CFAP44: variants seen among roughly 807,000 people sequenced by gnomAD.
CFAP44 encodes the protein cilia- and flagella-associated protein 44.
CFAP44 carries 134 observed loss-of-function variants against 216.2 expected under a neutral mutation model. The observed-to-expected ratio is 0.62, with a 90% CI of 0.54 to 0.72. The LOEUF is 0.72. Among genes scored for constraint, CFAP44 ranks in the 30% least tolerant of loss-of-function variants. The pLI is 0.00. For synonymous variants in CFAP44, 700 were observed against 727.6 expected (o/e 0.96, Z 0.61); for missense variants, 2,035 against 2,182.1 (o/e 0.93, Z 1.34).
rs564220118 is a variant in CFAP44 at position 113,367,712 on chromosome 3, C to T, written c.2445-1403G>A. On this transcript the variant is annotated intron_variant, in intron 18 of 34. Coordinates refer to ENST00000393845, the MANE Select transcript of CFAP44 (RefSeq NM_001164496.2). Reference sequence around the variant, plus strand: ...TCACAGCTCCTCACCAGCAATGGAACAAAGCTGAATGGAGAATGATTTTGA... The same window carrying T: ...TCACAGCTCCTCACCAGCAATGGAATAAAGCTGAATGGAGAATGATTTTGA... Among the ~76,000 whole-genome samples, 9 of 152,222 alleles carry T rather than the reference C, an allele frequency of 5.9e-5. No homozygotes were observed. The East Asian group carries it at 7.7e-4, about 13-fold the overall frequency.
At chr3:113,366,849 C>T (rs1465144510) in intron 18 of CFAP44, among the ~76,000 whole-genome samples, 1 of 152,198 alleles carries the variant, frequency 6.6e-6, no homozygotes, top group Non-Finnish European at 1.5e-5. Flanking sequence ...AAATGGTACA[C>T]TTCTGCCCAA....
chr3:113,323,767 G>T (rs768873175), intron 28 of CFAP44, among the ~76,000 whole-genome samples: 1 of 152,066 alleles, frequency 6.6e-6, no homozygotes, highest in Non-Finnish European at 1.5e-5. Context: ...ATTTGGGCTG[G>T]GTGCAGTGGC....
intron 2 of CFAP44, among the ~76,000 whole-genome samples, chr3:113,430,340 A>G (rs898940754): frequency 6.6e-6 from 1 of 151,442 alleles, no homozygotes; most frequent in African/African-American, 2.4e-5. Context: ...AAGGAAATTT[A>G]TAGCTTTCAA....
chr3:113,291,819 G>GT lies in CFAP44; in HGVS notation c.5374-72dup, dbSNP rs1468910818. 4 of 1,486,596 alleles carry GT rather than the reference G, an allele frequency of 2.7e-6. No homozygotes were observed. In the Admixed American group the frequency reaches 6.1e-5, roughly 23 times the overall value. The allele number at this position is 1,486,596 out of a possible 1,614,324, so 92.1% of individuals were successfully genotyped here. A position where few individuals can be genotyped will look rare whatever the true frequency, so the allele number is the denominator to read the frequency against. On this transcript the variant is annotated intron_variant, in intron 34 of 34. Coordinates refer to ENST00000393845, the MANE Select transcript of CFAP44 (RefSeq NM_001164496.2). ...GAAAAACTCCATGCCCTTATACTGT[G>GT]TATCTGTGATGAGTGCTGGCCTGAC... is the stretch of plus-strand genomic sequence containing the variant.
intron 28 of CFAP44, among the ~76,000 whole-genome samples, chr3:113,320,536 G>GTA (rs762167333): frequency 1.5e-5 from 2 of 129,974 alleles, no homozygotes; most frequent in Non-Finnish European, 1.7e-5. Flanking sequence ...AGTTATATAT[G>GTA]TATATATATA....
intron 30 of CFAP44, 39 bp from the exon 31 acceptor site, chr3:113,305,191 C>T (rs1447785347): frequency 1.3e-5 from 20 of 1,482,864 alleles, no homozygotes; most frequent in Non-Finnish European, 1.6e-5. Context: ...TGACAAGACT[C>T]AATAAACATA....
chr3:113,333,047 G>C (rs1950253672), intron 25 of CFAP44, among the ~76,000 whole-genome samples: 1 of 152,116 alleles, frequency 6.6e-6, no homozygotes, highest in Non-Finnish European at 1.5e-5. Flanking sequence ...AGCAAAAAAA[G>C]AGATAGAGAC....
chr3:113,314,262 A>G (rs143379035), intron 28 of CFAP44, among the ~76,000 whole-genome samples: 50 of 152,334 alleles, frequency 3.3e-4, no homozygotes, highest in Admixed American at 8.5e-4. Flanking sequence ...AGACAAAGAA[A>G]AAGTCTTGAA....
At chr3:113,430,057 A>G (rs1372469913) in intron 2 of CFAP44, among the ~76,000 whole-genome samples, 1 of 152,136 alleles carries the variant, frequency 6.6e-6, no homozygotes, top group African/African-American at 2.4e-5. Flanking sequence ...ACCAAGACAG[A>G]TCACTTGCTG....
chr3:113,428,492 C>T (rs1935021078), intron 2 of CFAP44, among the ~76,000 whole-genome samples: 1 of 152,216 alleles, frequency 6.6e-6, no homozygotes, highest in Non-Finnish European at 1.5e-5. Flanking sequence ...ACTTAGGCAA[C>T]TTTGTGAAGG....
chr3:113,409,040 C>T, intron 7 of CFAP44, 66 bp downstream of exon 7: 2 of 674,032 alleles, frequency 3.0e-6, no homozygotes, highest in Non-Finnish European at 4.7e-6. Context: ...GTCTCCAGCT[C>T]TTAGATCCTC....
chr3:113,413,969 A>G (rs553860843), intron 6 of CFAP44, among the ~76,000 whole-genome samples: 7 of 152,322 alleles, frequency 4.6e-5, no homozygotes, highest in African/African-American at 1.4e-4. Context: ...CATTTTCACA[A>G]CATTGATTCT....
intron 1 of CFAP44, among the ~76,000 whole-genome samples, chr3:113,435,528 G>A (rs1047130199): frequency 1.3e-5 from 2 of 151,838 alleles, no homozygotes; most frequent in African/African-American, 4.8e-5. Context: ...CTATAATTAC[G>A]ATGGGATTTG....
At chr3:113,345,760 C>A (rs1267623390) in intron 22 of CFAP44, among the ~76,000 whole-genome samples, 1 of 152,108 alleles carries the variant, frequency 6.6e-6, no homozygotes, top group Admixed American at 6.5e-5. Context: ...TTATCACACA[C>A]ACACAAACAA....
chr3:113,329,951 A>G (rs1047998811), intron 26 of CFAP44, among the ~76,000 whole-genome samples: 8 of 152,294 alleles, frequency 5.3e-5, no homozygotes, highest in Admixed American at 3.9e-4. Context: ...AAAACAAAAA[A>G]AAAAGTTTAA....
At chr3:113,340,938 T>G (rs1950327265) in intron 24 of CFAP44, among the ~76,000 whole-genome samples, 1 of 152,120 alleles carries the variant, frequency 6.6e-6, no homozygotes, top group African/African-American at 2.4e-5. Flanking sequence ...TTCCCTGGAG[T>G]TGGGCCACTC....
intron 13 of CFAP44, among the ~76,000 whole-genome samples, chr3:113,399,040 T>C (rs1934066789): frequency 6.6e-6 from 1 of 152,150 alleles, no homozygotes. Context: ...AGCTACCATG[T>C]AAAAAGTGTG....
rs1405330110 is a variant in CFAP44, at chr3:113,426,251, C to T, written c.280G>A (p.Val94Met). ...TVPQQTPAPAVEEAEEEVKKK... is the reference protein window; with the variant it reads ...TVPQQTPAPAMEEAEEEVKKK... The stretch of plus-strand genomic sequence containing the variant: ...TTAACTTCCTCCTCTGCTTCTTCCA[C>T]AGCTGGAGCAGGGGTTTGCTGAGGT... The change falls in exon 4 of 35, where the codon GTG becomes ATG. Residue 94 changes from valine to methionine, a missense_variant. Physicochemically the swap from Val to Met is conservative, Grantham distance 21. Transcript: ENST00000393845. 1.2e-6 allele frequency: 2 copies of T among 1,613,976 alleles called. No individual in the cohort carries two copies. The highest frequency in any genetic ancestry group is 2.2e-5 in the East Asian group (1 of 44,890).
intron 1 of CFAP44, among the ~76,000 whole-genome samples, chr3:113,439,821 C>T (rs554552093): frequency 6.6e-6 from 1 of 152,298 alleles, no homozygotes; most frequent in Non-Finnish European, 1.5e-5. Context: ...GGTCCTCATG[C>T]TCACAAGCTC....
Sources: gnomAD v4.1 joint callset for allele counts (sites outside exome capture counted in the v4.1 genomes callset) on GRCh38, gnomAD v4.1.1 for gene constraint, MANE v1.5 for transcripts, NCBI Gene and HGNC (gene_info 2026-07-23, HGNC 2026-07-21) for gene names.